The following P2RX5 variants were observed in gnomAD, a reference collection of about 807,000 sequenced individuals.
The protein encoded by P2RX5 is P2X purinoceptor 5.
A neutral mutation model predicts 54.1 loss-of-function variants in P2RX5; 46 were observed. The ratio of observed to expected loss-of-function variants is 0.85; its 90% CI spans 0.67 to 1.09. P2RX5 has a LOEUF of 1.09. P2RX5 is among the 50% of genes least tolerant of loss of function. P2RX5 has a pLI of 0.00. For synonymous variants in P2RX5, 226 were observed against 226.4 expected (o/e 1.00, Z 0.02); for missense variants, 566 against 549.8 (o/e 1.03, Z -0.29).
At chr17:3,719,951 T>C in the P2RX5 span, among the ~76,000 whole-genome samples, 20,775 of 152,164 alleles carry the variant, frequency 0.14, 4,735 homozygotes, top group African/African-American at 0.47. Context: ...GTGTTGAACT[T>C]CTGACCTCAG....
intron 5 of P2RX5, 104 bp downstream of exon 5, chr17:3,690,323 C>T: frequency 8.8e-7 from 1 of 1,140,792 alleles, no homozygotes. Flanking sequence ...CTGACTCCTC[C>T]CTCAGCGTGA....
chr17:3,723,439 C>A, the P2RX5 span: 238 of 1,276,452 alleles, frequency 1.9e-4, no homozygotes, highest in Non-Finnish European at 2.7e-4. Flanking sequence ...AGTCTGAAAT[C>A]TTTTTAACAC....
rs2050037440 is a variant in P2RX5, at chr17:3,673,860, G to A, written c.*8C>T. ...TTAGGACAGGGCCTGAACGTAAGCA[G>A]AGGCAATTCACGTGCTCCTGGAATA... On this transcript the variant is annotated 3_prime_UTR_variant, in exon 12 of 12. Coordinates refer to ENST00000225328, the MANE Select transcript of P2RX5 (RefSeq NM_002561.4). 2 of 1,613,190 alleles carry A rather than the reference G, an allele frequency of 1.2e-6. No individual in the cohort carries two copies. Among genetic ancestry groups the A allele is most frequent in the Non-Finnish European group, 1.7e-6 (2 of 1,179,960 alleles).
At chr17:3,715,794 C>G in the P2RX5 span, among the ~76,000 whole-genome samples, 57,479 of 151,824 alleles carry the variant, frequency 0.38, 13,008 homozygotes, top group South Asian at 0.6. Flanking sequence ...CCTAGGAGTA[C>G]GAGGCTGCAG....
At chr17:3,717,000 TC>T in the P2RX5 span, 1 of 504,146 alleles carries the variant, frequency 2.0e-6, no homozygotes, top group East Asian at 3.5e-5. Flanking sequence ...CCCAAATACT[TC>T]GTAAGAAACT....
the P2RX5 span, among the ~76,000 whole-genome samples, chr17:3,712,559 G>A: frequency 4.7e-4 from 71 of 152,324 alleles, no homozygotes; most frequent in East Asian, 0.01. Context: ...GTAGCCAAAA[G>A]TAGAAATATC....
upstream of P2RX5, among the ~76,000 whole-genome samples, chr17:3,700,297 G>A (rs1385117854): frequency 1.3e-5 from 2 of 152,136 alleles, no homozygotes; most frequent in East Asian, 3.9e-4. Flanking sequence ...CACTTTAGGA[G>A]GCCGAGGCAG....
the P2RX5 span, among the ~76,000 whole-genome samples, chr17:3,708,184 A>C: frequency 6.6e-6 from 1 of 151,976 alleles, no homozygotes; most frequent in African/African-American, 2.4e-5. Context: ...GGTACTTAGG[A>C]AGACTGTTTT....
At chr17:3,678,448 G>A (rs751637989) in intron 11 of P2RX5, among the ~76,000 whole-genome samples, 3 of 152,212 alleles carry the variant, frequency 2.0e-5, no homozygotes, top group Non-Finnish European at 2.9e-5. Context: ...CGGGCTTCCC[G>A]CTTGCTCAGA....
chr17:3,699,922 GA>G (rs1567744400), upstream of P2RX5, among the ~76,000 whole-genome samples: 8 of 64,276 alleles, frequency 1.2e-4, no homozygotes, highest in African/African-American at 1.9e-4. Flanking sequence ...AGGAAGGAAA[GA>G]AAGAAAGAAA....
intron 11 of P2RX5, chr17:3,677,783 C>G: frequency 1.0e-6 from 1 of 985,362 alleles, no homozygotes; most frequent in Non-Finnish European, 1.2e-6. Flanking sequence ...GAAGGTGCAG[C>G]CAGGTTGAGG....
chr17:3,718,009 TAA>T, the P2RX5 span: 1 of 152,250 alleles, frequency 6.6e-6, no homozygotes, highest in Non-Finnish European at 1.5e-5. Context: ...TATCTTCTTC[TAA>T]ACCCACAGAT....
chr17:3,704,972 CT>C, the P2RX5 span, among the ~76,000 whole-genome samples: 2 of 152,184 alleles, frequency 1.3e-5, no homozygotes, highest in African/African-American at 4.8e-5. Flanking sequence ...TGCCATTGTA[CT>C]ACAGCCTGGA....
intron 8 of P2RX5, 117 bp from the exon 9 acceptor site, chr17:3,688,222 G>A: frequency 1.4e-6 from 1 of 705,226 alleles, no homozygotes; most frequent in Non-Finnish European, 2.6e-6. Flanking sequence ...ACTCTCAGCA[G>A]CCCCAGGAGT....
At chr17:3,713,933 C>T in the P2RX5 span, among the ~76,000 whole-genome samples, 3 of 110,028 alleles carry the variant, frequency 2.7e-5, no homozygotes, top group Non-Finnish European at 5.8e-5. Flanking sequence ...AGGATACAAT[C>T]GATAATTTTT....
At chr17:3,692,114 C>A in intron 1 of P2RX5, 1 of 314,060 alleles carries the variant, frequency 3.2e-6, no homozygotes, top group Non-Finnish European at 6.0e-6. Context: ...ACCATCCTGG[C>A]TAACACAGTG....
the P2RX5 span, chr17:3,720,574 C>T: frequency 2.3e-6 from 1 of 437,690 alleles, no homozygotes; most frequent in East Asian, 3.8e-5. Flanking sequence ...TGCAGTTATT[C>T]TTCAACTTCC....
chr17:3,675,373 A>G, intron 11 of P2RX5: 1 of 985,256 alleles, frequency 1.0e-6, no homozygotes, highest in Non-Finnish European at 1.2e-6. Flanking sequence ...TGAAACAAAT[A>G]GTATGACTAT....
chr17:3,695,257 G>C (rs1416174627), intron 1 of P2RX5, among the ~76,000 whole-genome samples: 1 of 152,198 alleles, frequency 6.6e-6, no homozygotes, highest in Non-Finnish European at 1.5e-5. Flanking sequence ...GCCAGCTCCT[G>C]CCAGGTGGCA....
Sources: allele counts gnomAD v4.1 joint callset (sites outside exome capture counted in the v4.1 genomes callset), GRCh38; gene constraint gnomAD v4.1.1; transcripts MANE v1.5; gene names NCBI Gene and HGNC (gene_info 2026-07-23, HGNC 2026-07-21).